The following CEP170 variants were observed in gnomAD, a reference collection of about 807,000 sequenced individuals.
CEP170 encodes centrosomal protein 170.
Under a neutral mutation model 151.9 loss-of-function variants are expected in CEP170, and 21 were observed. The ratio of observed to expected loss-of-function variants is 0.14; its 90% CI spans 0.10 to 0.20. CEP170 has a LOEUF of 0.20. Among genes scored for constraint, CEP170 ranks in the 10% least tolerant of loss-of-function variants. The pLI is 1.00. For missense variants in CEP170, 964 were observed against 1,892.9 expected (o/e 0.51, Z 9.11); for synonymous variants, 356 against 648.8 (o/e 0.55, Z 6.86).
chr1:243,149,212 A>G (rs996075128), intron 14 of CEP170, among the ~76,000 whole-genome samples: 2 of 152,252 alleles, frequency 1.3e-5, no homozygotes, highest in African/African-American at 4.8e-5. Context: ...AGATAAGCAG[A>G]GGCAGTCACA....
At chr1:243,166,861 C>T (rs2058482161) in intron 12 of CEP170, among the ~76,000 whole-genome samples, 1 of 152,072 alleles carries the variant, frequency 6.6e-6, no homozygotes, top group Non-Finnish European at 1.5e-5. Flanking sequence ...TCCATTACCT[C>T]ACGTACTTAT....
chr1:243,157,470 T>C (rs2057665004), intron 13 of CEP170, among the ~76,000 whole-genome samples: 1 of 152,208 alleles, frequency 6.6e-6, no homozygotes, highest in African/African-American at 2.4e-5. Flanking sequence ...TACCTAGCAC[T>C]TAGCTGAGTG....
intron 1 of CEP170, among the ~76,000 whole-genome samples, chr1:243,246,247 T>A (rs2065386225): frequency 6.7e-6 from 1 of 149,136 alleles, no homozygotes; most frequent in African/African-American, 2.5e-5. Context: ...TTTTTTTTTT[T>A]TTGAGACAGA....
intron 4 of CEP170, among the ~76,000 whole-genome samples, chr1:243,203,502 C>A (rs1293642225): frequency 3.3e-5 from 5 of 151,914 alleles, no homozygotes; most frequent in African/African-American, 4.8e-5. Context: ...AAAAACAGAG[C>A]GAAACTTTAA....
At chr1:243,156,826 CAA>C (rs57953182) in intron 13 of CEP170, 3 of 122,826 alleles carry the variant, frequency 2.4e-5, no homozygotes, top group Non-Finnish European at 3.6e-5. Flanking sequence ...ATGAATTTTT[CAA>C]AAAAAAAAAG....
chr1:243,162,184 A>G (rs921904093), intron 13 of CEP170, among the ~76,000 whole-genome samples: 3 of 152,160 alleles, frequency 2.0e-5, no homozygotes, highest in African/African-American at 7.2e-5. Flanking sequence ...CCTTGCATAT[A>G]CTCCTGATAA....
chr1:243,191,621 A>G, intron 7 of CEP170, 127 bp from the exon 8 acceptor site: 1 of 621,838 alleles, frequency 1.6e-6, no homozygotes, highest in East Asian at 2.7e-5. Context: ...ATGAAAACCA[A>G]TGGCATTTAT....
intron 4 of CEP170, among the ~76,000 whole-genome samples, chr1:243,210,549 T>C (rs902297402): frequency 1.3e-5 from 2 of 151,600 alleles, no homozygotes; most frequent in African/African-American, 4.8e-5. Flanking sequence ...TTATAAAGTA[T>C]GCTACAAAAC....
chr1:243,126,779 A>C (rs1236565734), intron 19 of CEP170, 41 bp from the exon 20 acceptor site: 2 of 1,533,836 alleles, frequency 1.3e-6, no homozygotes, highest in Admixed American at 4.0e-5. Flanking sequence ...ATGCAGTTAC[A>C]TTCACATATA....
At chr1:243,249,074 C>T (rs1385587561) in intron 1 of CEP170, among the ~76,000 whole-genome samples, 1 of 152,120 alleles carries the variant, frequency 6.6e-6, no homozygotes, top group African/African-American at 2.4e-5. Flanking sequence ...GATAAAGAGG[C>T]TATTTTTTTG....
chr1:243,198,553 T>C (rs1257566218), intron 7 of CEP170, among the ~76,000 whole-genome samples: 2 of 152,088 alleles, frequency 1.3e-5, no homozygotes, highest in Non-Finnish European at 2.9e-5. Flanking sequence ...TGTGCCATAA[T>C]CTCAGCTCCT....
At chr1:243,219,337 G>A (rs534384051) in intron 3 of CEP170, among the ~76,000 whole-genome samples, 20 of 152,278 alleles carry the variant, frequency 1.3e-4, no homozygotes, top group African/African-American at 4.8e-4. Flanking sequence ...TAGTATATAT[G>A]AGGAAACTGA....
intron 7 of CEP170, among the ~76,000 whole-genome samples, chr1:243,191,779 T>G (rs948533154): frequency 3.3e-5 from 5 of 152,162 alleles, no homozygotes; most frequent in Non-Finnish European, 4.4e-5. Context: ...GGTCCATATT[T>G]TTTCCAACCT....
At chr1:243,243,586 C>T (rs900469045) in intron 1 of CEP170, among the ~76,000 whole-genome samples, 11 of 151,946 alleles carry the variant, frequency 7.2e-5, no homozygotes, top group African/African-American at 9.7e-5. Flanking sequence ...TCCAGTGGGG[C>T]GATCTCAGCT....
At chr1:243,225,997 G>A (rs990405991) in intron 1 of CEP170, among the ~76,000 whole-genome samples, 2 of 135,056 alleles carry the variant, frequency 1.5e-5, no homozygotes, top group Non-Finnish European at 3.0e-5. Context: ...ATATATACAC[G>A]TATATATATC....
intron 1 of CEP170, among the ~76,000 whole-genome samples, chr1:243,242,514 G>A (rs1008241636): frequency 2.6e-5 from 4 of 151,984 alleles, no homozygotes; most frequent in African/African-American, 4.8e-5. Context: ...CACCACGCCC[G>A]GCCAATGAGT....
intron 3 of CEP170, among the ~76,000 whole-genome samples, chr1:243,215,099 T>C (rs778973157): frequency 6.6e-6 from 1 of 152,202 alleles, no homozygotes; most frequent in Non-Finnish European, 1.5e-5. Context: ...ATTGTGAAGA[T>C]TTCATGGACA....
chr1:243,172,496 G>A (rs1238655679), intron 11 of CEP170, among the ~76,000 whole-genome samples: 1 of 152,186 alleles, frequency 6.6e-6, no homozygotes, highest in Non-Finnish European at 1.5e-5. Context: ...GCCGGGCATG[G>A]CGGTGCACGC....
In CEP170 at chr1:243,197,956, A is replaced by G. The variant is rs2060771061; in HGVS notation, c.631+1104T>C. On this transcript the variant is annotated intron_variant, in intron 7 of 19. Transcript: ENST00000366542. ...CCTTGGGCACTGTAAGATGAAGTTG[A>G]TAACGCTCGCTTTTCTAGACTTGTA... Among the ~76,000 whole-genome samples, 3 of 152,170 alleles carry G rather than the reference A, an allele frequency of 2.0e-5. No individual in the cohort carries two copies. In the South Asian group the frequency reaches 6.2e-4, roughly 31 times the overall value.
Sources: allele counts gnomAD v4.1 joint callset (sites outside exome capture counted in the v4.1 genomes callset), GRCh38; gene constraint gnomAD v4.1.1; transcripts MANE v1.5; gene names NCBI Gene and HGNC (gene_info 2026-07-23, HGNC 2026-07-21).